Variants in NPRL3 observed in about 807,000 individuals in gnomAD.
NPRL3 encodes the protein GATOR1 complex protein NPRL3.
In NPRL3, 23 loss-of-function variants were observed where a neutral mutation model predicts 57.2. The observed-to-expected ratio is 0.40, with a 90% CI of 0.29 to 0.57. The LOEUF (loss-of-function observed/expected upper bound fraction) is 0.57, where lower values mean the gene tolerates loss of function less well. Ranked by LOEUF, NPRL3 falls within the 20% of genes least tolerant of loss-of-function variation. The pLI is 0.42. For missense variants in NPRL3, 691 were observed against 767.1 expected, an observed-to-expected ratio of 0.90 and a Z score of 1.17; for synonymous variants, 333 against 321.1, an observed-to-expected ratio of 1.04 and a Z score of -0.39.
chr16:97,174 C>T (rs1899047814), intron 9 of NPRL3, among the ~76,000 whole-genome samples: 4 of 152,178 alleles, frequency 2.6e-5, no homozygotes, highest in Admixed American at 1.3e-4. Context: ...CTCTGGGCCA[C>T]GCCCACATGA....
At chr16:128,662 G>A (rs963535410) in intron 3 of NPRL3, among the ~76,000 whole-genome samples, 18 of 152,210 alleles carry the variant, frequency 1.2e-4, no homozygotes, top group South Asian at 2.1e-4. Flanking sequence ...CAGCTACTCC[G>A]GAGGCTGAGG....
chr16:86,563 C>T lies in NPRL3; in HGVS notation c.*142G>A. 2.4e-6 allele frequency: 2 copies of T among 827,790 alleles called. No individual in the cohort carries two copies. The highest frequency in any genetic ancestry group is 2.8e-5 in the Admixed American group (1 of 35,198). The allele number at this position is 827,790 out of a possible 1,614,324, so 51.3% of individuals were successfully genotyped here. ...GGACAGCGGGGCTCTGCAGGCTTCA[C>T]TGGGCCACGGCCAGCCCGCATCCAC... On this transcript the variant is annotated 3_prime_UTR_variant, in exon 14 of 14. Coordinates refer to ENST00000611875, the MANE Select transcript of NPRL3 (RefSeq NM_001077350.3).
intron 3 of NPRL3, among the ~76,000 whole-genome samples, chr16:120,610 C>A (rs192238812): frequency 2.0e-5 from 3 of 152,186 alleles, no homozygotes; most frequent in East Asian, 3.8e-4. Flanking sequence ...AAACCACATA[C>A]GAGGGTTTGG....
intron 12 of NPRL3, chr16:89,480 C>T: frequency 2.0e-6 from 1 of 502,108 alleles, no homozygotes; most frequent in Non-Finnish European, 3.5e-6. Context: ...TGGGAGCTGC[C>T]CCTAATTCTA....
chr16:86,690 G>A lies in NPRL3; in HGVS notation c.*15C>T, dbSNP rs549097004. 7.1e-6 allele frequency: 11 copies of A among 1,542,496 alleles called. No individual in the cohort carries two copies. The highest frequency in any genetic ancestry group is 1.4e-5 in the African/African-American group (1 of 73,096). On this transcript the variant is annotated 3_prime_UTR_variant, in exon 14 of 14. Coordinates refer to ENST00000611875, the MANE Select transcript of NPRL3 (RefSeq NM_001077350.3). The stretch of plus-strand genomic sequence containing the variant: ...CACCTGCGCACCCCAGCAGCCTTCC[G>A]CCCTCCGCCTGGGCTCAGGGGAGCA...
At chr16:119,353 C>A in intron 3 of NPRL3, 98 bp from the exon 4 acceptor site, 3 of 1,230,788 alleles carry the variant, frequency 2.4e-6, no homozygotes, top group Non-Finnish European at 3.4e-6. Context: ...GTAAACTGCA[C>A]CTTCATGGAG....
intron 8 of NPRL3, 53 bp from the exon 9 acceptor site, chr16:98,354 G>T (rs2541616): frequency 6.5e-7 from 1 of 1,550,354 alleles, no homozygotes; most frequent in Admixed American, 1.8e-5. Context: ...ACCCTGCACC[G>T]GGTATGCACC....
intron 7 of NPRL3, among the ~76,000 whole-genome samples, chr16:107,329 T>C (rs1899576568): frequency 6.6e-6 from 1 of 151,484 alleles, no homozygotes; most frequent in African/African-American, 2.4e-5. Context: ...TAAGAAATCA[T>C]AGTCCATTCT....
rs745692079 is a variant in NPRL3 at position 98,193 on chromosome 16, C to A, written c.876G>T (p.Val292=). ...LVRVIKTTSA[V]KNLQQLAQDA... ...CTTGGGCTAGCTGCTGCAGGTTCTT[C>A]ACAGCAGATGTGGTCTTGATCACCC... Residue 292 remains valine, a synonymous_variant, in exon 9 of 14, where the codon GTG becomes GTT. Transcript: ENST00000611875. 6.2e-7 allele frequency: 1 copy of A among 1,613,974 alleles called. No individual in the cohort carries two copies. The highest frequency in any genetic ancestry group is 8.5e-7 in the Non-Finnish European group (1 of 1,179,872).
rs1302696363 is a variant in NPRL3, at chr16:100,447, A to G, written c.692T>C (p.Leu231Pro). The G allele has an allele frequency of 1.2e-6, 2 of 1,606,294 alleles. No homozygotes were observed. Among genetic ancestry groups the G allele is most frequent in the East Asian group, 2.3e-5 (1 of 44,348 alleles). Residue 231 changes from leucine (L) to proline (P), a missense_variant, in exon 8 of 14, where the codon CTG becomes CCG. By Grantham distance (98) the Leu-to-Pro change is moderately conservative. Transcript: ENST00000611875. ...GGCCGCATAGTGGATCTTGTGGGGCAGGCAGAAGCTCACCTCCAGCCAGCT... is the reference window on the plus strand; with the variant it reads ...GGCCGCATAGTGGATCTTGTGGGGCGGGCAGAAGCTCACCTCCAGCCAGCT... ...INSWLEVSFC[L>P]PHKIHYAASS...
chr16:89,622 C>T, intron 12 of NPRL3, 91 bp downstream of exon 12: 1 of 1,232,676 alleles, frequency 8.1e-7, no homozygotes, highest in Non-Finnish European at 1.1e-6. Context: ...GGAGGCCCCT[C>T]ATCACTCACA....
intron 9 of NPRL3, among the ~76,000 whole-genome samples, chr16:96,279 C>T (rs1371561559): frequency 6.6e-6 from 1 of 152,186 alleles, no homozygotes; most frequent in Non-Finnish European, 1.5e-5. Flanking sequence ...AGCACAAACT[C>T]CTGCCAGACA....
rs145103882 is a variant in NPRL3 at position 95,713 on chromosome 16, G to A, written c.925-2388C>T. Among the ~76,000 whole-genome samples the A allele has an allele frequency of 5.6e-3, 850 of 152,168 alleles. 8 individuals carry two copies. Among genetic ancestry groups the A allele is most frequent in the African/African-American group, 0.019 (799 of 41,522 alleles). On this transcript the variant is annotated intron_variant, in intron 9 of 13. Transcript: ENST00000611875. ...GCCTCCTGAGTAGCTGGGACCATGG[G>A]CACACACCACCATGCCCAGCTAATT...
rs372572343 is a variant in NPRL3 at position 89,694 on chromosome 16, G to A, written c.1351+19C>T. 3.4e-4 allele frequency: 517 copies of A among 1,539,680 alleles called. 2 individuals carry two copies. The highest frequency in any genetic ancestry group is 3.3e-3 in the African/African-American group (239 of 72,068). On this transcript the variant is annotated intron_variant, in intron 12 of 13. Transcript: ENST00000611875. ...AAGCGTCTCCCCTGACTACCACAGC[G>A]GTGCCCTGGGGGTCCTACTTGGGGA... is the stretch of plus-strand genomic sequence containing the variant.
chr16:135,608 C>CAAAAAAAAA lies in NPRL3; in HGVS notation c.118+2533_118+2541dup, dbSNP rs555589072. 1.4e-4 allele frequency among the ~76,000 whole-genome samples: 8 copies of CAAAAAAAAA among 56,828 alleles called. No individual in the cohort carries two copies. In the East Asian group the frequency reaches 1.5e-3, roughly 10 times the overall value. 37.3% of individuals were successfully genotyped at this position (56,828 alleles called of 152,430 possible). Reference sequence around the variant, plus strand: ...TGGGCAACAGAGTGAGACTCTGTCTCAAAAAAAAAAAAAAAAAAAAAAGAC... The same window carrying CAAAAAAAAA: ...TGGGCAACAGAGTGAGACTCTGTCTCAAAAAAAAAAAAAAAAAAAAAAAAAAAAAAAGAC... On this transcript the variant is annotated intron_variant, in intron 2 of 13. Transcript: ENST00000611875.
intron 7 of NPRL3, among the ~76,000 whole-genome samples, chr16:107,187 T>A (rs1275017262): frequency 6.6e-6 from 1 of 152,132 alleles, no homozygotes; most frequent in African/African-American, 2.4e-5. Context: ...AAACTCAGAT[T>A]CCTGTCCTCC....
rs779688768 is a variant in NPRL3, at chr16:100,373, G to A, written c.766C>T (p.Arg256Cys). 1.8e-5 allele frequency: 27 copies of A among 1,534,010 alleles called. No individual in the cohort carries two copies. Among genetic ancestry groups the A allele is most frequent in the African/African-American group, 4.2e-5 (3 of 71,320 alleles). Residue 256 changes from arginine (R) to cysteine (C), a missense_variant and splice_region_variant, in exon 8 of 14, where the codon CGC becomes TGC. Physicochemically the swap from Arg to Cys is radical, Grantham distance 180 (BLOSUM62 -3). Transcript: ENST00000611875. ...EAIERSLKAI[R>C]PYHALLLLSD... Reference sequence around the variant, plus strand: ...GAGCACGTGGGGCTGGGCACTTACCGGATGGCTTTCAGGCTCCGTTCGATG... The same window carrying A: ...GAGCACGTGGGGCTGGGCACTTACCAGATGGCTTTCAGGCTCCGTTCGATG...
At chr16:134,912 A>G (rs1295325246) in intron 2 of NPRL3, among the ~76,000 whole-genome samples, 2 of 151,560 alleles carry the variant, frequency 1.3e-5, no homozygotes, top group African/African-American at 4.8e-5. Context: ...CTTGTTAGCC[A>G]GGATGGTCTC....
At chr16:131,209 G>C (rs561437647) in intron 2 of NPRL3, among the ~76,000 whole-genome samples, 1 of 152,206 alleles carries the variant, frequency 6.6e-6, no homozygotes, top group East Asian at 1.9e-4. Flanking sequence ...GCTGAGCGCG[G>C]TGGTTCACGC....
Sources: allele counts gnomAD v4.1 joint callset (sites outside exome capture counted in the v4.1 genomes callset), GRCh38; gene constraint gnomAD v4.1.1; transcripts MANE v1.5; gene names NCBI Gene and HGNC (gene_info 2026-07-23, HGNC 2026-07-21).